Variants in PZP observed in about 807,000 individuals in gnomAD.
PZP encodes the protein PZP alpha-2-macroglobulin like.
In PZP, 150 loss-of-function variants were observed where a neutral mutation model predicts 179.8. That is an observed-to-expected ratio of 0.83 (90% CI 0.73 to 0.96). The LOEUF is 0.96. Among genes scored for constraint, PZP ranks in the 40% least tolerant of loss-of-function variants. PZP has a pLI of 0.00. For synonymous variants in PZP, 624 were observed against 652.3 expected, an observed-to-expected ratio of 0.96 and a Z score of 0.66; for missense variants, 1,689 against 1,764.0, an observed-to-expected ratio of 0.96 and a Z score of 0.76.
chr12:9,202,875 A>G (rs1222742586), intron 2 of PZP, among the ~76,000 whole-genome samples, 191 bp from the exon 3 acceptor site: 1 of 152,194 alleles, frequency 6.6e-6, no homozygotes, highest in East Asian at 1.9e-4. Flanking sequence ...GTGGCCATCA[A>G]TAGAACCCAG....
At chr12:9,196,967 G>T (rs371285264) in intron 8 of PZP, 45 bp downstream of exon 8, 29 of 1,381,314 alleles carry the variant, frequency 2.1e-5, no homozygotes, top group Non-Finnish European at 2.8e-5. Context: ...GAGTCTCACT[G>T]GTTGTAAACA....
intron 1 of PZP, among the ~76,000 whole-genome samples, chr12:9,205,669 A>G (rs1057220650): frequency 1.3e-5 from 2 of 152,192 alleles, no homozygotes; most frequent in African/African-American, 4.8e-5. Flanking sequence ...CCATTTATAG[A>G]GTAAATTTGC....
chr12:9,195,611 A>T (rs1371482674), intron 10 of PZP, among the ~76,000 whole-genome samples: 2 of 104,248 alleles, frequency 1.9e-5, no homozygotes, highest in African/African-American at 3.6e-5. Flanking sequence ...CCCACTGCTA[A>T]TTTTTTTTTT....
At position 9,182,020 on chromosome 12, in the gene PZP, A is replaced by G. The variant is rs759974191; in HGVS notation, c.1644T>C (p.Val548=). ...CAATCTCAAATTTTTCAGAGTCTCCAACAACTTCTCCATCTGGTAAAATGG... is the reference window on the plus strand; with the variant it reads ...CAATCTCAAATTTTTCAGAGTCTCCGACAACTTCTCCATCTGGTAAAATGG... ...IFAILPDGEV[V]GDSEKFEIEN... Residue 548 remains valine (V), a synonymous_variant, in exon 14 of 36, where the codon GTT becomes GTC. Transcript: ENST00000261336. 1.2e-6 allele frequency: 2 copies of G among 1,613,974 alleles called. No individual in the cohort carries two copies. The highest frequency in any genetic ancestry group is 1.1e-5 in the South Asian group (1 of 91,046).
At chr12:9,150,794 T>G in intron 33 of PZP, 48 bp from the exon 34 acceptor site, 5 of 1,182,170 alleles carry the variant, frequency 4.2e-6, no homozygotes, top group Non-Finnish European at 6.3e-6. Context: ...ACCTCCTTCT[T>G]TCTCCCATGA....
At chr12:9,168,394 C>T (rs1248405265) in intron 17 of PZP, 1 of 152,504 alleles carries the variant, frequency 6.6e-6, no homozygotes. Flanking sequence ...GGTGATGGGA[C>T]AGATGTTTTA....
At chr12:9,162,433 C>T in intron 22 of PZP, 164 bp downstream of exon 22, 1 of 600,770 alleles carries the variant, frequency 1.7e-6, no homozygotes, top group Non-Finnish European at 2.9e-6. Flanking sequence ...CTCTTGGGCT[C>T]AATGTCTTCA....
Position 9,201,328 on chromosome 12 carries a change from T to C in PZP, c.500A>G (p.Glu167Gly). 1 of 1,548,740 alleles carries C rather than the reference T, an allele frequency of 6.5e-7. No individual in the cohort carries two copies. The highest frequency in any genetic ancestry group is 8.9e-7 in the Non-Finnish European group (1 of 1,124,508). Residue 167 changes from glutamate (E) to glycine (G), a missense_variant and splice_region_variant, in exon 5 of 36, where the codon GAG (glutamate) becomes GGG (glycine). By Grantham distance (98) the Glu-to-Gly change is moderately conservative (BLOSUM62 -2). This residue lies in a region of PZP where 742 missense variants were observed against 730.5 expected (regional missense o/e 1.02). Transcript: ENST00000261336. ...RNELIPLIYL[E>G]NPRRNRIAQW... ...TAAGATACTTTTTCTGATACTTACC[T>C]CAAGGTATATCAGTGGAATCTATAT... is the stretch of plus-strand genomic sequence containing the variant.
chr12:9,161,109 A>G lies in PZP; in HGVS notation c.2796T>C (p.Asn932=), dbSNP rs1169666681. Residue 932 remains asparagine (N), a synonymous_variant, in exon 23 of 36, where the codon AAT becomes AAC. Transcript: ENST00000261336. ...GCTTCAAGGACAACTGCTCAGACAC[A>G]TTAGCACCTTTAGAAACAGACAGCC... is the stretch of plus-strand genomic sequence containing the variant. ...FSSMTCASGA[N]VSEQLSLKLP... 1.9e-6 allele frequency: 3 copies of G among 1,574,990 alleles called. No individual in the cohort carries two copies. Among genetic ancestry groups the G allele is most frequent in the East Asian group, 2.2e-5 (1 of 44,696 alleles).
intron 13 of PZP, among the ~76,000 whole-genome samples, chr12:9,185,783 G>A (rs1189094550): frequency 1.7e-5 from 1 of 59,364 alleles, no homozygotes; most frequent in Admixed American, 1.8e-4. Flanking sequence ...TGGGGCCTAT[G>A]TTCAACATTT....
chr12:9,151,941 A>G (rs1940389434), intron 32 of PZP, among the ~76,000 whole-genome samples: 1 of 152,018 alleles, frequency 6.6e-6, no homozygotes, highest in Admixed American at 6.6e-5. Context: ...ACCATATCCT[A>G]TCTTTCTTGG....
chr12:9,202,462 G>T, intron 3 of PZP, 63 bp downstream of exon 3: 2 of 1,612,182 alleles, frequency 1.2e-6, no homozygotes, highest in Non-Finnish European at 1.7e-6. Flanking sequence ...GGATAATGGA[G>T]ACTTTGGCTG....
chr12:9,163,625 G>T (rs779836015), intron 21 of PZP, 43 bp downstream of exon 21: 1 of 1,604,538 alleles, frequency 6.2e-7, no homozygotes, highest in Non-Finnish European at 8.5e-7. Context: ...ACCGCCCGGT[G>T]TTGCATTCTT....
chr12:9,202,780 C>T (rs1944240859), intron 2 of PZP, 96 bp from the exon 3 acceptor site: 9 of 1,198,676 alleles, frequency 7.5e-6, no homozygotes, highest in Middle Eastern at 2.7e-4. Context: ...CCTTCAGCTT[C>T]ACCAAGGAGA....
intron 18 of PZP, 125 bp downstream of exon 18, chr12:9,165,927 T>G (rs1941550564): frequency 8.3e-7 from 1 of 1,205,778 alleles, no homozygotes; most frequent in African/African-American, 1.5e-5. Flanking sequence ...CTTAGGTCTA[T>G]CCTAAAGAGG....
Position 9,181,959 on chromosome 12 carries a change from A to G in PZP, c.1689+16T>C, listed in dbSNP as rs991630970. 1.2e-6 allele frequency: 2 copies of G among 1,609,188 alleles called. No individual in the cohort carries two copies. The highest frequency in any genetic ancestry group is 2.2e-5 in the East Asian group (1 of 44,856). Reference sequence around the variant, plus strand: ...CATTTATTTGTGTTCTTTTAATTTTATGTTAAATCGCTCACCTTGTTGGCT... The same window carrying G: ...CATTTATTTGTGTTCTTTTAATTTTGTGTTAAATCGCTCACCTTGTTGGCT... On this transcript the variant is annotated intron_variant, in intron 14 of 35. Transcript: ENST00000261336.
chr12:9,203,285 A>G (rs999214720), intron 2 of PZP, among the ~76,000 whole-genome samples: 2 of 151,362 alleles, frequency 1.3e-5, no homozygotes, highest in Non-Finnish European at 2.9e-5. Context: ...TTTGTTCCTT[A>G]ATAGTTGAAA....
At chr12:9,204,792 T>TA (rs556949343) in intron 1 of PZP, among the ~76,000 whole-genome samples, 290 of 150,808 alleles carry the variant, frequency 1.9e-3, no homozygotes, top group Admixed American at 3.4e-3. Context: ...ATCTTTTCAA[T>TA]AAAAAAAAAC....
chr12:9,201,232 A>T (rs3759275), intron 5 of PZP, 95 bp downstream of exon 5: 478,000 of 1,338,322 alleles, frequency 0.36, 86,763 homozygotes, highest in East Asian at 0.47. Flanking sequence ...AGATCTGAAA[A>T]TTTTTAAAGT....
Sources: gnomAD v4.1 joint callset for allele counts (sites outside exome capture counted in the v4.1 genomes callset) on GRCh38, gnomAD v4.1.1 for gene constraint, gnomAD v4.1.1 regional missense constraint, MANE v1.5 for transcripts, NCBI Gene and HGNC (gene_info 2026-07-23, HGNC 2026-07-21) for gene names.